Variants in USP46 observed in about 807,000 individuals in gnomAD.
USP46 encodes ubiquitin carboxyl-terminal hydrolase 46.
Under a neutral mutation model 44.4 loss-of-function variants are expected in USP46, and 12 were observed. The ratio of observed to expected loss-of-function variants is 0.27; its 90% CI spans 0.17 to 0.44. The LOEUF (loss-of-function observed/expected upper bound fraction) is 0.44, where lower values mean the gene tolerates loss of function less well. Among genes scored for constraint, USP46 ranks in the 20% least tolerant of loss-of-function variants. The pLI is 1.00. For missense variants in USP46, 248 were observed against 444.8 expected, an observed-to-expected ratio of 0.56 and a Z score of 3.98; for synonymous variants, 155 against 161.5, an observed-to-expected ratio of 0.96 and a Z score of 0.31.
chr4:52,603,267 G>A (rs1038230663), intron 6 of USP46, among the ~76,000 whole-genome samples: 10 of 152,198 alleles, frequency 6.6e-5, no homozygotes, highest in African/African-American at 2.4e-4. Context: ...GAGGTTATAA[G>A]GATGGGGGAC....
intron 1 of USP46, among the ~76,000 whole-genome samples, chr4:52,649,220 T>C (rs1014284559): frequency 1.3e-5 from 2 of 152,242 alleles, no homozygotes; most frequent in Admixed American, 6.5e-5. Flanking sequence ...CCAACAGCTT[T>C]GCACTTTGAG....
intron 1 of USP46, among the ~76,000 whole-genome samples, chr4:52,646,778 T>C (rs1171943663): frequency 6.6e-6 from 1 of 152,220 alleles, no homozygotes; most frequent in Non-Finnish European, 1.5e-5. Flanking sequence ...AATATGTGAA[T>C]AGCTGCTGAA....
intron 4 of USP46, among the ~76,000 whole-genome samples, chr4:52,616,071 T>C (rs367557): frequency 0.11 from 17,079 of 152,222 alleles, 3,075 homozygotes; most frequent in African/African-American, 0.38. Context: ...CTAACAATTA[T>C]AGAATGCCAC....
chr4:52,623,796 G>A (rs1717472388), intron 4 of USP46, among the ~76,000 whole-genome samples: 2 of 151,970 alleles, frequency 1.3e-5, no homozygotes, highest in South Asian at 4.2e-4. Context: ...CGTGGTGGTG[G>A]GCGCCTGTAA....
At chr4:52,649,346 T>TC (rs1206947004) in intron 1 of USP46, among the ~76,000 whole-genome samples, 2 of 152,152 alleles carry the variant, frequency 1.3e-5, no homozygotes, top group Non-Finnish European at 2.9e-5. Flanking sequence ...CTTCTGATGC[T>TC]CCCCAAAAAG....
Position 52,592,554 on chromosome 4 carries a change from G to T in USP46, c.*5086C>A. ...TCTCACGAGATCTGGTTGTTTAAAA[G>T]TGTGTAACCCCAGCCGAGCAAGGTG... On this transcript the variant is annotated 3_prime_UTR_variant, in exon 9 of 9. Transcript: ENST00000441222. 4.5e-6 allele frequency: 1 copy of T among 223,474 alleles called. No individual in the cohort carries two copies. 13.8% of individuals were successfully genotyped at this position (223,474 alleles called of 1,614,324 possible).
rs180848509 is a variant in USP46, at chr4:52,621,297, T to C, written c.561+4721A>G. On this transcript the variant is annotated intron_variant, in intron 4 of 8. Coordinates refer to ENST00000441222, the MANE Select transcript of USP46 (RefSeq NM_022832.4). Reference sequence around the variant, plus strand: ...TCGTAGATCTCACAATCCAACAATGTATATAAAAGATAAAGCCCCAATTCA... The same window carrying C: ...TCGTAGATCTCACAATCCAACAATGCATATAAAAGATAAAGCCCCAATTCA... Among the ~76,000 whole-genome samples the C allele has an allele frequency of 5.0e-4, 76 of 152,244 alleles. 1 individual carries two copies. Among genetic ancestry groups the C allele is most frequent in the East Asian group, 5.8e-4 (3 of 5,184 alleles).
chr4:52,619,135 C>A (rs184608506), intron 4 of USP46, among the ~76,000 whole-genome samples: 45 of 152,132 alleles, frequency 3.0e-4, no homozygotes, highest in African/African-American at 1.1e-3. Flanking sequence ...TCCCCAAGAC[C>A]CAATTCTGAA....
chr4:52,601,731 AAG>A, intron 7 of USP46, 124 bp downstream of exon 7: 1 of 899,820 alleles, frequency 1.1e-6, no homozygotes, highest in East Asian at 2.9e-5. Flanking sequence ...GATGATCAGT[AAG>A]AGTTTGGCAG....
chr4:52,658,567 G>A (rs539821025), intron 1 of USP46, among the ~76,000 whole-genome samples: 2 of 152,332 alleles, frequency 1.3e-5, no homozygotes, highest in Admixed American at 1.3e-4. Flanking sequence ...TTTCAAACCA[G>A]GTTGAAGTTC....
At chr4:52,609,171 C>T (rs1577664275) in intron 5 of USP46, among the ~76,000 whole-genome samples, 1 of 152,122 alleles carries the variant, frequency 6.6e-6, no homozygotes. Flanking sequence ...CTTCTCCAGA[C>T]CTGTATCCTG....
intron 1 of USP46, among the ~76,000 whole-genome samples, chr4:52,645,224 C>CAAAA (rs74266163): frequency 1.3e-5 from 1 of 79,820 alleles, no homozygotes; most frequent in Non-Finnish European, 2.7e-5. Context: ...GACTCTATCT[C>CAAAA]AAAAAAAAAA....
chr4:52,593,075 A>G lies in USP46; in HGVS notation c.*4565T>C, dbSNP rs973059110. 2.5e-6 allele frequency: 1 copy of G among 397,266 alleles called. No homozygotes were observed. Among genetic ancestry groups the G allele is most frequent in the Non-Finnish European group, 4.4e-6 (1 of 225,672 alleles). 24.6% of individuals were successfully genotyped at this position (397,266 alleles called of 1,614,324 possible). A position where few individuals can be genotyped will look rare whatever the true frequency, so the allele number is the denominator to read the frequency against. ...TATAGCACTGCCAGAATGGACAAAT[A>G]CAACGACTTAGTAAGTATTTTTATC... is the stretch of plus-strand genomic sequence containing the variant. On this transcript the variant is annotated 3_prime_UTR_variant, in exon 9 of 9. Coordinates refer to ENST00000441222, the MANE Select transcript of USP46 (RefSeq NM_022832.4).
In USP46 at chr4:52,593,570, C is replaced by T. The variant is rs1232857940; in HGVS notation, c.*4070G>A. 2 of 152,292 alleles carry T rather than the reference C, an allele frequency of 1.3e-5. No individual in the cohort carries two copies. Among genetic ancestry groups the T allele is most frequent in the Non-Finnish European group, 2.9e-5 (2 of 68,088 alleles). 9.4% of individuals were successfully genotyped at this position (152,292 alleles called of 1,614,324 possible). A position where few individuals can be genotyped will look rare whatever the true frequency, so the allele number is the denominator to read the frequency against. ...GGAAAAGCAGCCCTACCCATAGTTACTGTAGGCTTCACTGAGGCCACATGG... is the reference window on the plus strand; with the variant it reads ...GGAAAAGCAGCCCTACCCATAGTTATTGTAGGCTTCACTGAGGCCACATGG... On this transcript the variant is annotated 3_prime_UTR_variant, in exon 9 of 9. Transcript: ENST00000441222.
chr4:52,609,158 C>T (rs1716816580), intron 5 of USP46, among the ~76,000 whole-genome samples: 1 of 152,194 alleles, frequency 6.6e-6, no homozygotes. Flanking sequence ...ACAAACTTAA[C>T]AGCTTCTCCA....
rs1259509411 is a variant in USP46, at chr4:52,605,203, C to G, written c.639-619G>C. 2.0e-5 allele frequency among the ~76,000 whole-genome samples: 3 copies of G among 152,176 alleles called. No homozygotes were observed. In the East Asian group the frequency reaches 5.8e-4, roughly 29 times the overall value. On this transcript the variant is annotated intron_variant, in intron 5 of 8. Coordinates refer to ENST00000441222, the MANE Select transcript of USP46 (RefSeq NM_022832.4). ...TGACCACCTCCTACCAACCCCTGCTCCCCACTGCTCCCCCGCCGGAGGAGA... is the reference window on the plus strand; with the variant it reads ...TGACCACCTCCTACCAACCCCTGCTGCCCACTGCTCCCCCGCCGGAGGAGA...
Position 52,598,613 on chromosome 4 carries a change from A to G in USP46, c.999+15T>C. On this transcript the variant is annotated intron_variant, in intron 8 of 8. Transcript: ENST00000441222. ...TGATGCTCTATGACTACTGGAGAAT[A>G]ATCTGCAAACCAACCTCTACAATGT... The G allele has an allele frequency of 6.2e-7, 1 of 1,604,736 alleles. No homozygotes were observed.
intron 1 of USP46, among the ~76,000 whole-genome samples, chr4:52,640,733 G>C (rs1271671787): frequency 6.7e-6 from 1 of 149,638 alleles, no homozygotes; most frequent in African/African-American, 2.5e-5. Flanking sequence ...CTGAACCTGG[G>C]AGACAGAGGT....
At chr4:52,655,512 T>C (rs1280968525) in intron 1 of USP46, 1 of 152,240 alleles carries the variant, frequency 6.6e-6, no homozygotes, top group Non-Finnish European at 1.5e-5. Context: ...TAACTAATGC[T>C]TCCTTTTTAG....
Sources: allele counts gnomAD v4.1 joint callset (sites outside exome capture counted in the v4.1 genomes callset), GRCh38; gene constraint gnomAD v4.1.1; transcripts MANE v1.5; gene names NCBI Gene and HGNC (gene_info 2026-07-23, HGNC 2026-07-21).